Variants in MALRD1 observed in about 807,000 individuals in gnomAD.
MALRD1 encodes the protein MAM and LDL-receptor class A domain-containing protein 1.
Under a neutral mutation model 242.1 loss-of-function variants are expected in MALRD1, and 247 were observed. The observed-to-expected ratio is 1.02, with a 90% CI of 0.92 to 1.13. MALRD1 has a LOEUF of 1.13. Ranked by LOEUF, MALRD1 falls within the 50% of genes most tolerant of loss-of-function variation. The probability of loss-of-function intolerance (pLI) is 0.00; values close to 1 mark genes in which losing one functional copy is unlikely to be tolerated. For synonymous variants in MALRD1, 995 were observed against 866.6 expected (o/e 1.15, Z -2.60); for missense variants, 2,989 against 2,533.1 (o/e 1.18, Z -3.86).
intron 15 of MALRD1, among the ~76,000 whole-genome samples, 179 bp downstream of exon 15, chr10:19,204,059 G>A (rs1836672519): frequency 6.6e-6 from 1 of 152,138 alleles, no homozygotes. Flanking sequence ...GGTACAGATA[G>A]CATATAGATA....
At position 19,133,898 on chromosome 10, in the gene MALRD1, C is replaced by T; in HGVS notation, c.1153C>T (p.Gln385Ter). 1.6e-6 allele frequency: 2 copies of T among 1,230,398 alleles called. No individual in the cohort carries two copies. The highest frequency in any genetic ancestry group is 2.0e-6 in the Non-Finnish European group (2 of 987,348). The allele number at this position is 1,230,398 out of a possible 1,614,324, so 76.2% of individuals were successfully genotyped here. ...FWTYNISTHS[Q>*]WVKADVLIPE... is the part of the protein sequence containing the mutation. ...GACATACAACATATCAACTCACAGC[C>T]AATGGGTGAAAGCAGATGTGTTAAT... The change falls in exon 9 of 40, where the codon CAA (glutamine) becomes TAA (stop). Residue 385 changes from glutamine to a stop codon, truncating the protein, a stop_gained. Coordinates refer to ENST00000454679, the MANE Select transcript of MALRD1 (RefSeq NM_001142308.3). LOFTEE classifies it high-confidence loss of function.
chr10:19,248,204 G>T (rs772424369), intron 18 of MALRD1, among the ~76,000 whole-genome samples: 3 of 151,894 alleles, frequency 2.0e-5, no homozygotes, highest in Non-Finnish European at 4.4e-5. Flanking sequence ...TAATAACTAT[G>T]GAGGAAGCTT....
intron 1 of MALRD1, among the ~76,000 whole-genome samples, chr10:19,063,280 C>G (rs147242171): frequency 1.2e-4 from 18 of 152,198 alleles, no homozygotes; most frequent in African/African-American, 4.3e-4. Flanking sequence ...TTAATATTGA[C>G]CCAGGGAAAA....
At chr10:19,295,931 A>T (rs1277580344) in intron 21 of MALRD1, among the ~76,000 whole-genome samples, 3 of 152,146 alleles carry the variant, frequency 2.0e-5, no homozygotes, top group Non-Finnish European at 4.4e-5. Flanking sequence ...GATGCTACAG[A>T]TGTGGGAACC....
chr10:19,085,012 T>A (rs1024034400), intron 2 of MALRD1, among the ~76,000 whole-genome samples: 1 of 151,884 alleles, frequency 6.6e-6, no homozygotes, highest in Admixed American at 6.6e-5. Context: ...GGTGTAGAGA[T>A]TAATAGAGAT....
At chr10:19,283,452 A>G (rs1175641798) in intron 21 of MALRD1, among the ~76,000 whole-genome samples, 1 of 152,136 alleles carries the variant, frequency 6.6e-6, no homozygotes, top group Non-Finnish European at 1.5e-5. Flanking sequence ...CCCTGTTAGT[A>G]TATTGTTTTT....
upstream of MALRD1, among the ~76,000 whole-genome samples, chr10:19,048,590 C>T (rs1834396781): frequency 1.3e-5 from 2 of 152,176 alleles, no homozygotes; most frequent in South Asian, 4.1e-4. Flanking sequence ...TGCCTCTCCC[C>T]TGCTGTTTAT....
intron 33 of MALRD1, among the ~76,000 whole-genome samples, chr10:19,578,927 T>A (rs1489794679): frequency 6.6e-6 from 1 of 151,818 alleles, no homozygotes; most frequent in Non-Finnish European, 1.5e-5. Context: ...AGAACACGTG[T>A]TATATAATGG....
intron 36 of MALRD1, among the ~76,000 whole-genome samples, chr10:19,624,076 T>C (rs980716133): frequency 1.1e-4 from 16 of 152,162 alleles, no homozygotes; most frequent in Admixed American, 5.2e-4. Context: ...TGCGAATTGG[T>C]GTAATTCTCA....
At chr10:19,731,235 A>G (rs776035308) in intron 39 of MALRD1, among the ~76,000 whole-genome samples, 6 of 152,224 alleles carry the variant, frequency 3.9e-5, no homozygotes, top group Non-Finnish European at 7.3e-5. Flanking sequence ...TAGAAGAGAA[A>G]AAACAAATGA....
intron 36 of MALRD1, among the ~76,000 whole-genome samples, chr10:19,667,408 T>C (rs1400378346): frequency 1.3e-5 from 2 of 152,104 alleles, no homozygotes; most frequent in Non-Finnish European, 1.5e-5. Flanking sequence ...AAATACCACA[T>C]GATATACTTT....
intron 18 of MALRD1, among the ~76,000 whole-genome samples, chr10:19,222,870 C>T (rs1837622191): frequency 6.6e-6 from 1 of 152,164 alleles, no homozygotes; most frequent in Admixed American, 6.5e-5. Flanking sequence ...ATGGCGTTCA[C>T]TAAGAAAAAG....
rs1250998306 is a variant in MALRD1 at position 19,491,643 on chromosome 10, G to A, written c.5156G>A (p.Cys1719Tyr). Reference sequence around the variant, plus strand: ...TCTGATAGGTCTGATGAAGCTCACTGTGGTAAGTTTATCTATCTGCTGTAT... The same window carrying A: ...TCTGATAGGTCTGATGAAGCTCACTATGGTAAGTTTATCTATCTGCTGTAT... Reference protein sequence around the residue: ...DCSDRSDEAHCAHYTSTTGSC... With the variant: ...DCSDRSDEAHYAHYTSTTGSC... The change falls in exon 30 of 40, where the codon TGT becomes TAT. Residue 1719 changes from cysteine (C) to tyrosine (Y), a missense_variant and splice_region_variant. Transcript: ENST00000454679. 1 of 1,548,762 alleles carries A rather than the reference G, an allele frequency of 6.5e-7. No individual in the cohort carries two copies. The highest frequency in any genetic ancestry group is 1.4e-5 in the African/African-American group (1 of 73,030).
rs76434238 is a variant in MALRD1 at position 19,078,041 on chromosome 10, A to G, written c.341-9799A>G. Among the ~76,000 whole-genome samples, 338 of 152,090 alleles carry G rather than the reference A, an allele frequency of 2.2e-3. 2 individuals carry two copies. Among genetic ancestry groups the G allele is most frequent in the African/African-American group, 7.7e-3 (319 of 41,558 alleles). ...ATGAAGATTTAATGAGATAATTCAT[A>G]AAAGTTGCTAGCAAAAAAAATGGTG... On this transcript the variant is annotated intron_variant, in intron 2 of 39. Coordinates refer to ENST00000454679, the MANE Select transcript of MALRD1 (RefSeq NM_001142308.3).
chr10:19,239,249 A>G (rs1838648954), intron 18 of MALRD1, among the ~76,000 whole-genome samples: 1 of 151,856 alleles, frequency 6.6e-6, no homozygotes, highest in African/African-American at 2.4e-5. Flanking sequence ...TAGTAGAGAA[A>G]TGATTTCACC....
intron 38 of MALRD1, among the ~76,000 whole-genome samples, chr10:19,714,386 C>T (rs1204178648): frequency 3.9e-5 from 6 of 152,128 alleles, no homozygotes; most frequent in African/African-American, 1.2e-4. Flanking sequence ...CCAGCGTCTA[C>T]CGGCTTCTGC....
At chr10:19,372,713 C>G (rs1845431281) in intron 26 of MALRD1, among the ~76,000 whole-genome samples, 1 of 152,110 alleles carries the variant, frequency 6.6e-6, no homozygotes, top group Non-Finnish European at 1.5e-5. Context: ...AGTGTTCCAC[C>G]TGCCTCGGCC....
intron 36 of MALRD1, among the ~76,000 whole-genome samples, chr10:19,627,086 C>A (rs947713439): frequency 1.3e-5 from 2 of 151,914 alleles, no homozygotes; most frequent in Non-Finnish European, 2.9e-5. Flanking sequence ...AGGTGGTTTT[C>A]AAGTTAATGA....
intron 34 of MALRD1, among the ~76,000 whole-genome samples, chr10:19,596,876 G>A (rs954407062): frequency 2.6e-5 from 4 of 151,648 alleles, no homozygotes; most frequent in Non-Finnish European, 4.4e-5. Flanking sequence ...AGGAAGGAAG[G>A]AAGGAAAGGA....
Sources: allele counts gnomAD v4.1 joint callset (sites outside exome capture counted in the v4.1 genomes callset), GRCh38; gene constraint gnomAD v4.1.1; transcripts MANE v1.5; gene names NCBI Gene and HGNC (gene_info 2026-07-23, HGNC 2026-07-21).